SKP2: variants seen among roughly 807,000 people sequenced by gnomAD.
SKP2 encodes the protein S-phase kinase associated protein 2, also known as S-phase kinase-associated protein 2.
In SKP2, 16 loss-of-function variants were observed where a neutral mutation model predicts 51.8. That is an observed-to-expected ratio of 0.31 (90% CI 0.21 to 0.47). The LOEUF is 0.47. Among genes scored for constraint, SKP2 ranks in the 20% least tolerant of loss-of-function variants. SKP2 has a pLI of 1.00. For synonymous variants in SKP2, 176 were observed against 198.6 expected (o/e 0.89, Z 0.96); for missense variants, 377 against 505.3 (o/e 0.75, Z 2.43).
chr5:36,153,544 C>T (rs1224251310), intron 2 of SKP2, among the ~76,000 whole-genome samples: 1 of 152,168 alleles, frequency 6.6e-6, no homozygotes, highest in African/African-American at 2.4e-5. Context: ...GTTCTGTCTC[C>T]ATTACTGCTG....
chr5:36,184,486 C>T (rs1216888439), downstream of SKP2, among the ~76,000 whole-genome samples: 1 of 152,106 alleles, frequency 6.6e-6, no homozygotes, highest in Non-Finnish European at 1.5e-5. Context: ...TGTTCAATTC[C>T]CACCTATGAG....
chr5:36,168,008 G>A (rs151116001), intron 4 of SKP2, among the ~76,000 whole-genome samples: 110 of 152,220 alleles, frequency 7.2e-4, no homozygotes, highest in Admixed American at 9.8e-4. Context: ...GAGCCGTTAT[G>A]GTCTTAATCT....
chr5:36,171,050 G>A (rs1421588657), intron 6 of SKP2, among the ~76,000 whole-genome samples: 1 of 152,128 alleles, frequency 6.6e-6, no homozygotes, highest in Non-Finnish European at 1.5e-5. Context: ...CTGGATATGC[G>A]TGTTATCAGT....
chr5:36,189,714 CTG>C (rs1554006121), intron 6 of SKP2, among the ~76,000 whole-genome samples: 2 of 152,210 alleles, frequency 1.3e-5, no homozygotes, highest in Non-Finnish European at 1.5e-5. Flanking sequence ...ATCTCAAACT[CTG>C]TGCTGGGAGA....
chr5:36,182,153 A>G lies in SKP2; in HGVS notation c.*122A>G. ...CCCTTTGCCTTCATTCTGCAAGTATACTAGGGAGCCATTTGAGAGGGAAAA... is the reference window on the plus strand; with the variant it reads ...CCCTTTGCCTTCATTCTGCAAGTATGCTAGGGAGCCATTTGAGAGGGAAAA... On this transcript the variant is annotated 3_prime_UTR_variant, in exon 10 of 10. Coordinates refer to ENST00000274255, the MANE Select transcript of SKP2 (RefSeq NM_005983.4). 3 of 1,448,794 alleles carry G rather than the reference A, an allele frequency of 2.1e-6. No homozygotes were observed. The highest frequency in any genetic ancestry group is 2.5e-5 in the East Asian group (1 of 40,146). The allele number at this position is 1,448,794 out of a possible 1,614,324, so 89.7% of individuals were successfully genotyped here.
chr5:36,173,332 T>G (rs1208324662), intron 7 of SKP2, among the ~76,000 whole-genome samples: 1 of 152,220 alleles, frequency 6.6e-6, no homozygotes, highest in Non-Finnish European at 1.5e-5. Context: ...GTGGAATTGC[T>G]GGGTCCAGCA....
chr5:36,193,436 T>TGCAGTCCA (rs1746096588), intron 7 of SKP2: 1 of 137,588 alleles, frequency 7.3e-6, no homozygotes, highest in Admixed American at 8.0e-5. Flanking sequence ...ATCATGCCAC[T>TGCAGTCCA]GCAGTCCAGC....
chr5:36,170,934 T>C (rs186984882), intron 6 of SKP2, among the ~76,000 whole-genome samples: 292 of 152,340 alleles, frequency 1.9e-3, no homozygotes, highest in Non-Finnish European at 3.2e-3. Context: ...CTTTTTGGAA[T>C]ACACAGTACT....
intron 3 of SKP2, among the ~76,000 whole-genome samples, chr5:36,166,254 A>G (rs2111975323): frequency 6.6e-6 from 1 of 152,354 alleles, no homozygotes; most frequent in South Asian, 2.1e-4. Context: ...AGATCACGGC[A>G]GTGCTAATGT....
rs1320731473 is a variant in SKP2, at chr5:36,183,595, C to T, written c.*1564C>T. On this transcript the variant is annotated 3_prime_UTR_variant, in exon 10 of 10. Coordinates refer to ENST00000274255, the MANE Select transcript of SKP2 (RefSeq NM_005983.4). ...TTCTACTTCTTAAAAATCACAAAAA[C>T]TAGTTTAAATTGATGACTTGTTCGT... 1 of 1,114,076 alleles carries T rather than the reference C, an allele frequency of 9.0e-7. No individual in the cohort carries two copies. Among genetic ancestry groups the T allele is most frequent in the Admixed American group, 5.0e-5 (1 of 20,012 alleles). 69.0% of individuals were successfully genotyped at this position (1,114,076 alleles called of 1,614,324 possible).
At chr5:36,166,212 A>G (rs923671280) in intron 3 of SKP2, among the ~76,000 whole-genome samples, 11 of 152,168 alleles carry the variant, frequency 7.2e-5, no homozygotes, top group Non-Finnish European at 7.3e-5. Context: ...AAATTTGTCA[A>G]CTTGAATGCT....
chr5:36,170,398 A>C lies in SKP2; in HGVS notation c.726A>C (p.Gly242=). The C allele has an allele frequency of 6.2e-7, 1 of 1,613,422 alleles. No homozygotes were observed. The highest frequency in any genetic ancestry group is 8.5e-7 in the Non-Finnish European group (1 of 1,179,572). ...GACTTAACCTTTCTGGGTGTTCTGG[A>C]TTCTCTGAATTTGCCCTGCAGACTT... is the stretch of plus-strand genomic sequence containing the variant. ...LVRLNLSGCS[G]FSEFALQTLL... Residue 242 remains glycine (G), a synonymous_variant, in exon 6 of 10, where the codon GGA becomes GGC. Transcript: ENST00000274255.
At chr5:36,192,699 A>G (rs1322173433) in intron 7 of SKP2, 1 of 152,244 alleles carries the variant, frequency 6.6e-6, no homozygotes, top group Admixed American at 6.5e-5. Flanking sequence ...TGACCAGGTA[A>G]GCACTTCACC....
At chr5:36,170,500 C>A in intron 6 of SKP2, 58 bp downstream of exon 6, 1 of 1,041,610 alleles carries the variant, frequency 9.6e-7, no homozygotes, top group Non-Finnish European at 1.5e-6. Context: ...AATTATCCCT[C>A]ACATCTGTAT....
chr5:36,163,651 C>T lies in SKP2; in HGVS notation c.287C>T (p.Ser96Leu). Residue 96 changes from serine to leucine, a missense_variant, in exon 3 of 10, where the codon TCA becomes TTA. This residue lies in a region of SKP2 where 115 missense variants were observed against 115.5 expected (regional missense o/e 1.00). Transcript: ENST00000274255. ...ACTTGTTTTCCCTCCAAAGGTGTTT[C>T]ATGGGACTCCCTTCCGGATGAGCTG... ...KLNRENFPGV[S>L]WDSLPDELLL... 4 of 1,610,154 alleles carry T rather than the reference C, an allele frequency of 2.5e-6. No individual in the cohort carries two copies. Among genetic ancestry groups the T allele is most frequent in the Non-Finnish European group, 2.5e-6 (3 of 1,176,554 alleles).
chr5:36,188,285 G>T (rs1018255505), downstream of SKP2, among the ~76,000 whole-genome samples: 36 of 152,154 alleles, frequency 2.4e-4, no homozygotes, highest in African/African-American at 8.0e-4. Flanking sequence ...ATGTTAGCTG[G>T]TTATTTTGCT....
chr5:36,168,541 C>T (rs1745368345), intron 5 of SKP2, 94 bp downstream of exon 5: 3 of 1,164,312 alleles, frequency 2.6e-6, no homozygotes, highest in East Asian at 2.3e-5. Context: ...TAGCCATATC[C>T]AGGTGGATAC....
intron 5 of SKP2, 30 bp downstream of exon 5, chr5:36,168,477 A>G: frequency 6.2e-7 from 1 of 1,611,654 alleles, no homozygotes; most frequent in Non-Finnish European, 8.5e-7. Context: ...TCACAAAGGC[A>G]GTTGATTTTA....
chr5:36,155,822 A>G (rs1473123573), intron 2 of SKP2, among the ~76,000 whole-genome samples: 1 of 152,210 alleles, frequency 6.6e-6, no homozygotes, highest in Non-Finnish European at 1.5e-5. Context: ...CAAGTGAAAA[A>G]GAATTTTTTT....
Sources: allele counts gnomAD v4.1 joint callset (sites outside exome capture counted in the v4.1 genomes callset), GRCh38; gene constraint gnomAD v4.1.1; regional missense constraint gnomAD v4.1.1; transcripts MANE v1.5; gene names NCBI Gene and HGNC (gene_info 2026-07-23, HGNC 2026-07-21).